C12orf54: variants seen among roughly 807,000 people sequenced by gnomAD.
C12orf54 encodes the protein chromosome 12 open reading frame 54, also known as uncharacterized protein C12orf54.
In C12orf54, 24 loss-of-function variants were observed where a neutral mutation model predicts 26.4. The ratio of observed to expected loss-of-function variants is 0.91; its 90% CI spans 0.66 to 1.28. C12orf54 has a LOEUF of 1.28. Among genes scored for constraint, C12orf54 ranks in the 50% most tolerant of loss-of-function variants. The pLI, the probability that C12orf54 is intolerant of heterozygous loss-of-function variation, is 0.00. For synonymous variants in C12orf54, 54 were observed against 47.0 expected (o/e 1.15, Z -0.61); for missense variants, 154 against 150.9 (o/e 1.02, Z -0.11).
At chr12:48,467,379 G>A in the C12orf54 span, among the ~76,000 whole-genome samples, 200 of 152,202 alleles carry the variant, frequency 1.3e-3, no homozygotes, top group Non-Finnish European at 1.1e-3. Flanking sequence ...TGTTGTTAAA[G>A]CCACCAATTT....
At chr12:48,490,891 A>T in intron 6 of C12orf54, 55 bp downstream of exon 6, 12 of 1,582,218 alleles carry the variant, frequency 7.6e-6, no homozygotes, top group Non-Finnish European at 1.0e-5. Flanking sequence ...GGGATTTGGA[A>T]TTCAAGTCTC....
the C12orf54 span, chr12:48,472,581 A>G: frequency 6.5e-7 from 1 of 1,531,862 alleles, no homozygotes; most frequent in South Asian, 1.2e-5. Context: ...GAGCTGGTTG[A>G]GCTTTCAAAT....
At chr12:48,421,512 CTTTTTTTTTTTTT>C in the C12orf54 span, among the ~76,000 whole-genome samples, 6 of 43,476 alleles carry the variant, frequency 1.4e-4, no homozygotes, top group South Asian at 3.2e-3. Flanking sequence ...ATATCATGTG[CTTTTTTTTTTTTT>C]TTTTTTTTTT....
In C12orf54 at chr12:48,493,031, T is replaced by G. The variant is rs1937826161; in HGVS notation, c.242+36T>G. 26 of 1,584,666 alleles carry G rather than the reference T, an allele frequency of 1.6e-5. No individual in the cohort carries two copies. The East Asian group carries it at 5.8e-4, about 35-fold the overall frequency. On this transcript the variant is annotated intron_variant, in intron 7 of 8. Transcript: ENST00000548364. ...CTATTCTGACAATGTTCAAGGGAGA[T>G]GGCACCCACCTGGATATGGGTGTGC...
At chr12:48,486,809 T>C in intron 4 of C12orf54, 83 bp downstream of exon 4, 1 of 1,388,214 alleles carries the variant, frequency 7.2e-7, no homozygotes, top group Non-Finnish European at 1.0e-6. Flanking sequence ...CATTTCTTTC[T>C]CTTTCCTTGA....
upstream of C12orf54, among the ~76,000 whole-genome samples, chr12:48,480,680 A>G (rs1450086868): frequency 6.6e-6 from 1 of 152,192 alleles, no homozygotes; most frequent in Non-Finnish European, 1.5e-5. Context: ...TGGAACTTCC[A>G]TTTGACCCAT....
At chr12:48,441,791 G>A in the C12orf54 span, among the ~76,000 whole-genome samples, 1 of 152,174 alleles carries the variant, frequency 6.6e-6, no homozygotes, top group East Asian at 1.9e-4. Context: ...GACTGAACTG[G>A]TATCATCCCA....
upstream of C12orf54, among the ~76,000 whole-genome samples, chr12:48,477,693 C>A (rs566127689): frequency 1.6e-4 from 24 of 152,192 alleles, no homozygotes; most frequent in African/African-American, 5.3e-4. Context: ...CAAGACTAAA[C>A]CAGGAAGAAG....
chr12:48,471,943 G>A, the C12orf54 span, among the ~76,000 whole-genome samples: 10 of 152,198 alleles, frequency 6.6e-5, no homozygotes, highest in South Asian at 6.2e-4. Flanking sequence ...GAATATGACC[G>A]TTTTAATAAT....
At chr12:48,472,238 T>C in the C12orf54 span, among the ~76,000 whole-genome samples, 1 of 152,216 alleles carries the variant, frequency 6.6e-6, no homozygotes, top group Non-Finnish European at 1.5e-5. Context: ...CTATTAACCT[T>C]TTGGCAGAGT....
chr12:48,495,034 T>G, intron 8 of C12orf54, 55 bp downstream of exon 8: 1 of 1,387,656 alleles, frequency 7.2e-7, no homozygotes, highest in Middle Eastern at 1.9e-4. Flanking sequence ...TCTGTGGTAG[T>G]CAGGAACCCA....
the C12orf54 span, among the ~76,000 whole-genome samples, chr12:48,431,604 A>G: frequency 6.6e-6 from 1 of 152,196 alleles, no homozygotes; most frequent in Non-Finnish European, 1.5e-5. Flanking sequence ...AGAAATAAAA[A>G]ATTTTCTCAA....
At chr12:48,483,549 T>C (rs1216706936) in intron 2 of C12orf54, 188 bp downstream of exon 2, 1 of 551,260 alleles carries the variant, frequency 1.8e-6, no homozygotes, top group African/African-American at 1.9e-5. Context: ...AGCAAATCTT[T>C]GTCATTTTAA....
the C12orf54 span, among the ~76,000 whole-genome samples, chr12:48,441,571 G>A: frequency 6.6e-6 from 1 of 152,114 alleles, no homozygotes; most frequent in South Asian, 2.1e-4. Flanking sequence ...GGGGTTGGGG[G>A]TGGGGAGGTG....
At chr12:48,462,034 A>G in the C12orf54 span, among the ~76,000 whole-genome samples, 1 of 151,618 alleles carries the variant, frequency 6.6e-6, no homozygotes, top group South Asian at 2.1e-4. Flanking sequence ...GAGACATGAC[A>G]TTTCCAGTGT....
rs937937763 is a variant in C12orf54 at position 48,486,110 on chromosome 12, G to A, written c.66-68G>A. ...AATTCCTGCTAGGAGTGATAGAATA[G>A]AGTTAGGAGAAGGCTTTAGCCCACA... On this transcript the variant is annotated intron_variant, in intron 2 of 8. Coordinates refer to ENST00000548364, the MANE Select transcript of C12orf54 (RefSeq NM_152319.4). 9.8e-6 allele frequency: 14 copies of A among 1,426,314 alleles called. No homozygotes were observed. The Admixed American group carries it at 2.4e-4, about 24-fold the overall frequency. The allele number at this position is 1,426,314 out of a possible 1,614,324, so 88.4% of individuals were successfully genotyped here.
the C12orf54 span, among the ~76,000 whole-genome samples, chr12:48,467,080 G>A: frequency 1.3e-5 from 2 of 152,040 alleles, no homozygotes; most frequent in Non-Finnish European, 1.5e-5. Context: ...ACTAAGTTAA[G>A]GATATCAAGA....
chr12:48,415,344 C>T, the C12orf54 span, among the ~76,000 whole-genome samples: 4 of 152,206 alleles, frequency 2.6e-5, no homozygotes, highest in Non-Finnish European at 4.4e-5. Context: ...CGGTTGATCG[C>T]TCTACTTTTT....
At chr12:48,437,766 G>T in the C12orf54 span, among the ~76,000 whole-genome samples, 4 of 150,572 alleles carry the variant, frequency 2.7e-5, no homozygotes, top group South Asian at 2.1e-4. Flanking sequence ...AATAATAAGA[G>T]CTATCTATGA....
Sources: gnomAD v4.1 joint callset for allele counts (sites outside exome capture counted in the v4.1 genomes callset) on GRCh38, gnomAD v4.1.1 for gene constraint, MANE v1.5 for transcripts, NCBI Gene and HGNC (gene_info 2026-07-23, HGNC 2026-07-21) for gene names.